The following DTHD1 variants were observed in gnomAD, a reference collection of about 807,000 sequenced individuals.
DTHD1 encodes death domain containing 1.
Under a neutral mutation model 74.8 loss-of-function variants are expected in DTHD1, and 59 were observed. The observed-to-expected ratio is 0.79, with a 90% CI of 0.64 to 0.98. DTHD1 has a LOEUF of 0.98. DTHD1 is among the 50% of genes least tolerant of loss of function. DTHD1 has a pLI of 0.00. For missense variants in DTHD1, 1,051 were observed against 1,065.4 expected (o/e 0.99, Z 0.19); for synonymous variants, 365 against 371.1 (o/e 0.98, Z 0.19).
intron 8 of DTHD1, among the ~76,000 whole-genome samples, chr4:36,327,868 C>T (rs1346114506): frequency 6.6e-6 from 1 of 152,176 alleles, no homozygotes; most frequent in African/African-American, 2.4e-5. Context: ...TCTGTCTCCA[C>T]TCCTTAGATT....
At position 36,316,167 on chromosome 4, in the gene DTHD1, C is replaced by T. The variant is rs112632593; in HGVS notation, c.2096-75C>T. On this transcript the variant is annotated intron_variant, in intron 7 of 9. Transcript: ENST00000639862. ...AGCCAGGATGGTCTCGATCTCCTGACCTCGTGATCCGCCTGCCTCGGCCTC... is the reference window on the plus strand; with the variant it reads ...AGCCAGGATGGTCTCGATCTCCTGATCTCGTGATCCGCCTGCCTCGGCCTC... 7,274 of 1,403,384 alleles carry T rather than the reference C, an allele frequency of 5.2e-3. 329 individuals are homozygous for T. The African/African-American group carries it at 0.094, about 18-fold the overall frequency. The allele number at this position is 1,403,384 out of a possible 1,614,324, so 86.9% of individuals were successfully genotyped here.
intron 5 of DTHD1, among the ~76,000 whole-genome samples, chr4:36,296,991 C>T (rs924929409): frequency 6.6e-6 from 1 of 152,034 alleles, no homozygotes; most frequent in Non-Finnish European, 1.5e-5. Context: ...GGTATATGTA[C>T]TATATACTGC....
At position 36,343,955 on chromosome 4, in the gene DTHD1, A is replaced by C; in HGVS notation, c.*131A>C. The stretch of plus-strand genomic sequence containing the variant: ...CTATTTAATGATGTGCTATTTAATG[A>C]TGTGAGACAAAGGGAGAAGCACGGA... On this transcript the variant is annotated 3_prime_UTR_variant, in exon 10 of 10. Coordinates refer to ENST00000639862, the MANE Select transcript of DTHD1 (RefSeq NM_001170700.3). The C allele has an allele frequency of 1.1e-6, 1 of 890,768 alleles. No homozygotes were observed. Among genetic ancestry groups the C allele is most frequent in the East Asian group, 2.7e-5 (1 of 37,452 alleles). 55.2% of individuals were successfully genotyped at this position (890,768 alleles called of 1,614,324 possible). A position where few individuals can be genotyped will look rare whatever the true frequency, so the allele number is the denominator to read the frequency against.
chr4:36,297,992 G>A (rs1463088089), intron 5 of DTHD1, among the ~76,000 whole-genome samples: 1 of 151,990 alleles, frequency 6.6e-6, no homozygotes, highest in African/African-American at 2.4e-5. Flanking sequence ...TGTGGAGTGG[G>A]AAAGTGGCTA....
chr4:36,302,214 T>C (rs1415218517), intron 5 of DTHD1, among the ~76,000 whole-genome samples: 1 of 152,104 alleles, frequency 6.6e-6, no homozygotes, highest in Non-Finnish European at 1.5e-5. Context: ...TTGCATCAGA[T>C]CATGGGGGAT....
rs532919296 is a variant in DTHD1 at position 36,326,989 on chromosome 4, C to A, written c.2340+10503C>A. Among the ~76,000 whole-genome samples the A allele has an allele frequency of 1.4e-3, 209 of 149,984 alleles. 1 individual carries two copies. Among genetic ancestry groups the A allele is most frequent in the African/African-American group, 4.5e-3 (183 of 40,652 alleles). ...TTTTTTTTTTTTTTCTTTCTTCAGA[C>A]GGAGTCTCGCTCTGTCACCCAGACC... is the stretch of plus-strand genomic sequence containing the variant. On this transcript the variant is annotated intron_variant, in intron 8 of 9. Coordinates refer to ENST00000639862, the MANE Select transcript of DTHD1 (RefSeq NM_001170700.3).
At chr4:36,325,301 G>C (rs944704582) in intron 8 of DTHD1, among the ~76,000 whole-genome samples, 2 of 152,140 alleles carry the variant, frequency 1.3e-5, no homozygotes, top group Non-Finnish European at 2.9e-5. Flanking sequence ...TCTTGAAACT[G>C]GTATGGCCAT....
At chr4:36,332,136 G>C (rs553648214) in intron 8 of DTHD1, among the ~76,000 whole-genome samples, 17 of 151,808 alleles carry the variant, frequency 1.1e-4, no homozygotes, top group Admixed American at 1.1e-3. Flanking sequence ...AGTGAGTCGA[G>C]ATCACGTCAT....
At position 36,308,416 on chromosome 4, in the gene DTHD1, CAGAG is replaced by C; in HGVS notation, c.2019_2022del (p.Glu674HisfsTer15). On this transcript the variant is annotated frameshift_variant, in exon 7 of 10. Coordinates refer to ENST00000639862, the MANE Select transcript of DTHD1 (RefSeq NM_001170700.3). LOFTEE classifies it high-confidence loss of function. ...CACTTGGAAGGGTTTGGAGGACCTC[CAGAG>C]CCATCTCGTCATTTCCAAGTTCGAG... 6.4e-7 allele frequency: 1 copy of C among 1,551,854 alleles called. No homozygotes were observed. The highest frequency in any genetic ancestry group is 8.7e-7 in the Non-Finnish European group (1 of 1,147,030).
chr4:36,302,738 A>G (rs1303716559), intron 5 of DTHD1, among the ~76,000 whole-genome samples: 1 of 152,154 alleles, frequency 6.6e-6, no homozygotes, highest in Non-Finnish European at 1.5e-5. Context: ...TTACTTTTCC[A>G]TTTTAAATGA....
intron 9 of DTHD1, 81 bp from the exon 10 acceptor site, chr4:36,343,421 T>C: frequency 1.5e-6 from 2 of 1,324,336 alleles, no homozygotes; most frequent in Non-Finnish European, 2.0e-6. Context: ...GGAGACTTCC[T>C]ATAAACAGGT....
intron 5 of DTHD1, among the ~76,000 whole-genome samples, chr4:36,302,790 T>G (rs1352714928): frequency 6.6e-6 from 1 of 152,216 alleles, no homozygotes; most frequent in African/African-American, 2.4e-5. Flanking sequence ...GGAAAATATT[T>G]GAAGTTTTTT....
chr4:36,314,095 A>G (rs1757557462), intron 7 of DTHD1, among the ~76,000 whole-genome samples: 1 of 140,286 alleles, frequency 7.1e-6, no homozygotes, highest in Non-Finnish European at 1.5e-5. Context: ...TTTTTTTCCA[A>G]GTAGCCAGGT....
intron 8 of DTHD1, among the ~76,000 whole-genome samples, chr4:36,318,708 G>A (rs531127020): frequency 4.1e-5 from 6 of 144,760 alleles, no homozygotes; most frequent in African/African-American, 1.3e-4. Flanking sequence ...TCCGCCTCCT[G>A]GGTTGACGCC....
At chr4:36,304,739 G>A (rs1756949902) in intron 5 of DTHD1, among the ~76,000 whole-genome samples, 1 of 152,142 alleles carries the variant, frequency 6.6e-6, no homozygotes, top group Non-Finnish European at 1.5e-5. Flanking sequence ...ACGAACTCAA[G>A]AAAAGAGTTT....
In DTHD1 at chr4:36,292,353, G is replaced by A. The variant is rs76313634; in HGVS notation, c.1219-1173G>A. 5.9e-5 allele frequency among the ~76,000 whole-genome samples: 9 copies of A among 152,176 alleles called. No homozygotes were observed. In the East Asian group the frequency reaches 1.7e-3, roughly 29 times the overall value. ...AGAGAAAGAGAAAGAGAGAGCGAGG[G>A]AATCATTGTCTATCATAACAAATAC... On this transcript the variant is annotated intron_variant, in intron 3 of 9. Transcript: ENST00000639862.
intron 5 of DTHD1, among the ~76,000 whole-genome samples, chr4:36,305,679 T>C (rs912065741): frequency 2.0e-5 from 3 of 152,314 alleles, no homozygotes; most frequent in Middle Eastern, 3.4e-3. Flanking sequence ...ATACAGTTCA[T>C]AAGAGGCAGA....
At chr4:36,302,682 A>C (rs1390039062) in intron 5 of DTHD1, among the ~76,000 whole-genome samples, 1 of 152,190 alleles carries the variant, frequency 6.6e-6, no homozygotes, top group East Asian at 1.9e-4. Context: ...ATATATTATA[A>C]TATTTGACTT....
intron 8 of DTHD1, among the ~76,000 whole-genome samples, chr4:36,324,126 T>C (rs935045529): frequency 4.0e-5 from 6 of 151,708 alleles, no homozygotes; most frequent in Non-Finnish European, 5.9e-5. Context: ...AAGAGATTAT[T>C]TCCCTTCTCC....
Sources: allele counts gnomAD v4.1 joint callset (sites outside exome capture counted in the v4.1 genomes callset), GRCh38; gene constraint gnomAD v4.1.1; transcripts MANE v1.5; gene names NCBI Gene and HGNC (gene_info 2026-07-23, HGNC 2026-07-21).